Variants in THRB observed in about 807,000 individuals in gnomAD.
THRB encodes thyroid hormone receptor beta.
A neutral mutation model predicts 47.8 loss-of-function variants in THRB; 12 were observed. The observed-to-expected ratio is 0.25, with a 90% CI of 0.16 to 0.41. The LOEUF (loss-of-function observed/expected upper bound fraction) is 0.41, where lower values mean the gene tolerates loss of function less well. Among genes scored for constraint, THRB ranks in the 10% least tolerant of loss-of-function variants. The pLI, the probability that THRB is intolerant of heterozygous loss-of-function variation, is 1.00. For missense variants in THRB, 348 were observed against 589.2 expected (o/e 0.59, Z 4.24); for synonymous variants, 218 against 212.2 (o/e 1.03, Z -0.24).
intron 2 of THRB, among the ~76,000 whole-genome samples, chr3:24,309,082 G>C (rs1446188226): frequency 6.6e-6 from 1 of 152,142 alleles, no homozygotes; most frequent in Non-Finnish European, 1.5e-5. Flanking sequence ...TGCTTCATCA[G>C]AGAGGCCATC....
At chr3:24,426,212 G>A (rs2069742931) in intron 1 of THRB, among the ~76,000 whole-genome samples, 1 of 151,894 alleles carries the variant, frequency 6.6e-6, no homozygotes, top group South Asian at 2.1e-4. Flanking sequence ...CAGGTAATAA[G>A]CACAGTAATC....
rs369932711 is a variant in THRB, at chr3:24,489,863, G to A, written c.-261+4789C>T. ...AATGCCAAAATTGACTAACAAGTTT[G>A]GGAACTTAAATTGGAGAATGAACAT... is the stretch of plus-strand genomic sequence containing the variant. On this transcript the variant is annotated intron_variant, in intron 1 of 10. Coordinates refer to ENST00000646209, the MANE Select transcript of THRB (RefSeq NM_001354712.2). Among the ~76,000 whole-genome samples, 14 of 152,090 alleles carry A rather than the reference G, an allele frequency of 9.2e-5. 1 individual carries two copies. The East Asian group carries it at 2.3e-3, about 25-fold the overall frequency.
At chr3:24,299,196 C>G in intron 2 of THRB, among the ~76,000 whole-genome samples, 1 of 139,000 alleles carries the variant, frequency 7.2e-6, no homozygotes, top group Non-Finnish European at 1.5e-5. Flanking sequence ...TGCAGTGAGC[C>G]GAGATAGTGC....
rs1012437889 is a variant in THRB, at chr3:24,122,860, A to T, written c.*24T>A. 1 of 1,614,210 alleles carries T rather than the reference A, an allele frequency of 6.2e-7. No homozygotes were observed. Reference sequence around the variant, plus strand: ...AATGACACCCAGTAGTGCTGTAGGAATTATGAGAATGAATCCAGTCAGTCT... The same window carrying T: ...AATGACACCCAGTAGTGCTGTAGGATTTATGAGAATGAATCCAGTCAGTCT... On this transcript the variant is annotated 3_prime_UTR_variant, in exon 11 of 11. Coordinates refer to ENST00000646209, the MANE Select transcript of THRB (RefSeq NM_001354712.2).
intron 3 of THRB, among the ~76,000 whole-genome samples, chr3:24,275,127 T>C (rs1428062269): frequency 6.6e-6 from 1 of 152,188 alleles, no homozygotes; most frequent in African/African-American, 2.4e-5. Flanking sequence ...AACATAAATA[T>C]TTGTTTGGAA....
At position 24,121,617 on chromosome 3, in the gene THRB, G is replaced by A. The variant is rs2031704549; in HGVS notation, c.*1267C>T. On this transcript the variant is annotated 3_prime_UTR_variant, in exon 11 of 11. Transcript: ENST00000646209. Reference sequence around the variant, plus strand: ...AAGTTAAGTGTGCACATGGTCTGCAGGTGTTTTCTATTGAGTATCTGTCAG... The same window carrying A: ...AAGTTAAGTGTGCACATGGTCTGCAAGTGTTTTCTATTGAGTATCTGTCAG... The A allele has an allele frequency of 6.6e-6, 1 of 152,414 alleles. No homozygotes were observed. Among genetic ancestry groups the A allele is most frequent in the Non-Finnish European group, 1.5e-5 (1 of 68,098 alleles). The allele number at this position is 152,414 out of a possible 1,614,324, so 9.4% of individuals were successfully genotyped here. A position where few individuals can be genotyped will look rare whatever the true frequency, so the allele number is the denominator to read the frequency against.
chr3:24,467,626 G>A (rs1020062365), intron 1 of THRB, among the ~76,000 whole-genome samples: 2 of 152,200 alleles, frequency 1.3e-5, no homozygotes, highest in East Asian at 1.9e-4. Context: ...CAGCTCTTAG[G>A]TGACTAGATG....
chr3:24,164,053 C>T (rs934353585), intron 5 of THRB, among the ~76,000 whole-genome samples: 4 of 152,048 alleles, frequency 2.6e-5, no homozygotes, highest in African/African-American at 7.2e-5. Flanking sequence ...TATAGAAACT[C>T]GTAAATTTGG....
At chr3:24,446,028 G>A (rs1232269265) in intron 1 of THRB, among the ~76,000 whole-genome samples, 3 of 152,082 alleles carry the variant, frequency 2.0e-5, no homozygotes, top group Admixed American at 2.0e-4. Flanking sequence ...AAAAAAACTG[G>A]AAGAAAATAT....
intron 2 of THRB, among the ~76,000 whole-genome samples, chr3:24,303,515 G>T (rs1017030771): frequency 6.6e-6 from 1 of 152,150 alleles, no homozygotes; most frequent in Admixed American, 6.5e-5. Context: ...GATTATCATC[G>T]CAGAGCTGCT....
chr3:24,283,269 C>G (rs1425039058), intron 3 of THRB, among the ~76,000 whole-genome samples: 1 of 152,214 alleles, frequency 6.6e-6, no homozygotes, highest in Non-Finnish European at 1.5e-5. Context: ...GGATGCAAGG[C>G]TGGTTCAATA....
intron 1 of THRB, among the ~76,000 whole-genome samples, chr3:24,400,169 T>G (rs1454743520): frequency 6.6e-6 from 1 of 152,090 alleles, no homozygotes; most frequent in African/African-American, 2.4e-5. Flanking sequence ...AACTAATCAG[T>G]GTTCCTGTAC....
intron 1 of THRB, among the ~76,000 whole-genome samples, chr3:24,393,811 G>C (rs1211369161): frequency 2.6e-5 from 4 of 152,126 alleles, no homozygotes; most frequent in African/African-American, 9.7e-5. Flanking sequence ...GAATAATGTA[G>C]GAGATGGATC....
chr3:24,233,502 GAA>G (rs2048454972), intron 3 of THRB, among the ~76,000 whole-genome samples: 2 of 12,258 alleles, frequency 1.6e-4, no homozygotes, highest in Non-Finnish European at 3.8e-4. Flanking sequence ...AAGAAAGGAA[GAA>G]AGAAAGAAGG....
intron 1 of THRB, among the ~76,000 whole-genome samples, chr3:24,478,961 T>C (rs2125847386): frequency 6.6e-6 from 1 of 152,182 alleles, no homozygotes. Context: ...GGGGGAGCAG[T>C]GCTAATGAGA....
At chr3:24,450,016 G>T (rs2072486986) in intron 1 of THRB, among the ~76,000 whole-genome samples, 1 of 151,774 alleles carries the variant, frequency 6.6e-6, no homozygotes, top group African/African-American at 2.4e-5. Context: ...AAGGGGAGAA[G>T]GAAGAAAGGA....
At chr3:24,423,282 GGTTT>G (rs2069446347) in intron 1 of THRB, among the ~76,000 whole-genome samples, 1 of 151,768 alleles carries the variant, frequency 6.6e-6, no homozygotes, top group African/African-American at 2.4e-5. Flanking sequence ...GTTTTGGGAT[GGTTT>G]GTTATATAAC....
chr3:24,296,151 T>C (rs2056430831), intron 3 of THRB, among the ~76,000 whole-genome samples: 2 of 152,200 alleles, frequency 1.3e-5, no homozygotes, highest in African/African-American at 4.8e-5. Context: ...ATGCCTTTAT[T>C]GCCATTCCAG....
chr3:24,263,767 T>C (rs1289189178), intron 3 of THRB, among the ~76,000 whole-genome samples: 2 of 152,136 alleles, frequency 1.3e-5, no homozygotes, highest in East Asian at 1.9e-4. Context: ...TTAGAACATA[T>C]CTTTCATTCA....
Sources: gnomAD v4.1 joint callset for allele counts (sites outside exome capture counted in the v4.1 genomes callset) on GRCh38, gnomAD v4.1.1 for gene constraint, MANE v1.5 for transcripts, NCBI Gene and HGNC (gene_info 2026-07-23, HGNC 2026-07-21) for gene names.